The following MTDH variants were observed in gnomAD, a reference collection of about 807,000 sequenced individuals.
The protein encoded by MTDH is protein LYRIC.
MTDH carries 34 observed loss-of-function variants against 72.7 expected under a neutral mutation model. The observed-to-expected ratio is 0.47, with a 90% CI of 0.36 to 0.62. The LOEUF (loss-of-function observed/expected upper bound fraction) is 0.62. Ranked by LOEUF, MTDH falls within the 20% of genes least tolerant of loss-of-function variation. The pLI is 0.00. For missense variants in MTDH, 677 were observed against 699.4 expected (o/e 0.97, Z 0.36); for synonymous variants, 266 against 268.9 (o/e 0.99, Z 0.10).
chr8:97,699,247 C>T (rs1022842811), intron 6 of MTDH, among the ~76,000 whole-genome samples: 1 of 151,846 alleles, frequency 6.6e-6, no homozygotes, highest in African/African-American at 2.4e-5. Flanking sequence ...GAGACTGTGC[C>T]ACTACACTCC....
At chr8:97,669,285 G>T (rs1257852187) in intron 2 of MTDH, among the ~76,000 whole-genome samples, 2 of 151,864 alleles carry the variant, frequency 1.3e-5, no homozygotes. Flanking sequence ...TAGTAGCTGG[G>T]ATTACAGGCA....
At chr8:97,668,635 A>G (rs1191300586) in intron 2 of MTDH, among the ~76,000 whole-genome samples, 1 of 151,948 alleles carries the variant, frequency 6.6e-6, no homozygotes, top group African/African-American at 2.4e-5. Context: ...GCTCACTGCA[A>G]CCTCTGCCTC....
chr8:97,712,902 A>G (rs1205488717), intron 8 of MTDH, among the ~76,000 whole-genome samples: 3 of 151,856 alleles, frequency 2.0e-5, no homozygotes, highest in Admixed American at 1.3e-4. Flanking sequence ...TCCTTGTATT[A>G]TATTGTACAG....
intron 9 of MTDH, among the ~76,000 whole-genome samples, chr8:97,717,960 G>C (rs1814942469): frequency 6.6e-6 from 1 of 152,146 alleles, no homozygotes; most frequent in East Asian, 1.9e-4. Context: ...ATGTTGGCCA[G>C]ACTGGTCTTG....
Position 97,723,003 on chromosome 8 carries a change from A to C in MTDH, c.1646A>C (p.Asn549Thr). ...ILQETDKSKS[N>T]TKQNSVPPSQ... ...CAAGAGACAGATAAATCCAAGTCAA[A>C]TACCAAGCAAAATAGTGTGCCTCCT... is the stretch of plus-strand genomic sequence containing the variant. The change falls in exon 11 of 12, where the codon AAT (asparagine) becomes ACT (threonine). Residue 549 changes from asparagine to threonine, a missense_variant. Physicochemically the swap from Asn to Thr is moderately conservative, Grantham distance 65 (BLOSUM62 0). Around this residue, in one of 3 missense-constraint regions of MTDH, gnomAD observed 201 missense variants for 204.5 expected, o/e 0.98. Transcript: ENST00000336273. 6.2e-7 allele frequency: 1 copy of C among 1,614,104 alleles called. No homozygotes were observed.
intron 7 of MTDH, 54 bp from the exon 8 acceptor site, chr8:97,706,572 C>A: frequency 6.2e-6 from 9 of 1,456,528 alleles, no homozygotes; most frequent in South Asian, 1.5e-5. Flanking sequence ...TAGTTTTTGC[C>A]TTTTAATTTA....
intron 10 of MTDH, among the ~76,000 whole-genome samples, chr8:97,720,024 C>T (rs919193801): frequency 4.6e-5 from 7 of 152,244 alleles, no homozygotes; most frequent in South Asian, 2.1e-4. Context: ...TGGTGGCTCA[C>T]GCCTGTAATC....
At chr8:97,656,657 C>A (rs1454352614) in intron 1 of MTDH, among the ~76,000 whole-genome samples, 1 of 151,716 alleles carries the variant, frequency 6.6e-6, no homozygotes, top group African/African-American at 2.4e-5. Context: ...AAACTCCATT[C>A]ATATGTCCTT....
At chr8:97,690,737 T>C (rs979938097) in intron 5 of MTDH, among the ~76,000 whole-genome samples, 1 of 152,252 alleles carries the variant, frequency 6.6e-6, no homozygotes, top group Non-Finnish European at 1.5e-5. Context: ...TCTGTTGTAC[T>C]TTCTTTGAGC....
chr8:97,727,141 G>T lies in MTDH; in HGVS notation c.*2471G>T, dbSNP rs1265276106. On this transcript the variant is annotated 3_prime_UTR_variant, in exon 12 of 12. Coordinates refer to ENST00000336273, the MANE Select transcript of MTDH (RefSeq NM_178812.4). Reference sequence around the variant, plus strand: ...TAATTACATTCTCTTTCACATGCATGAGGTGCAAACTCTGTCACAAAGTAT... The same window carrying T: ...TAATTACATTCTCTTTCACATGCATTAGGTGCAAACTCTGTCACAAAGTAT... 5 of 151,666 alleles carry T rather than the reference G, an allele frequency of 3.3e-5. No homozygotes were observed. The highest frequency in any genetic ancestry group is 4.4e-5 in the Non-Finnish European group (3 of 67,974). The allele number at this position is 151,666 out of a possible 1,614,324, so 9.4% of individuals were successfully genotyped here. A position where few individuals can be genotyped will look rare whatever the true frequency, so the allele number is the denominator to read the frequency against.
At chr8:97,655,313 T>C (rs1811925827) in intron 1 of MTDH, among the ~76,000 whole-genome samples, 1 of 152,204 alleles carries the variant, frequency 6.6e-6, no homozygotes, top group South Asian at 2.1e-4. Context: ...GAGCCTTATC[T>C]TTGTTTCAAG....
At chr8:97,668,270 A>G (rs1196045941) in intron 2 of MTDH, among the ~76,000 whole-genome samples, 2 of 152,094 alleles carry the variant, frequency 1.3e-5, no homozygotes, top group Non-Finnish European at 2.9e-5. Context: ...CTGGGCGACA[A>G]AGCTAGACTG....
intron 2 of MTDH, among the ~76,000 whole-genome samples, chr8:97,673,718 T>C (rs1812728931): frequency 6.6e-6 from 1 of 151,668 alleles, no homozygotes; most frequent in African/African-American, 2.4e-5. Context: ...CTCACACCTT[T>C]AATGCCAGCA....
intron 2 of MTDH, among the ~76,000 whole-genome samples, chr8:97,662,765 G>A (rs562829509): frequency 3.3e-5 from 5 of 150,478 alleles, no homozygotes; most frequent in Admixed American, 6.6e-5. Context: ...TAGCCAGGGC[G>A]AAAGAGCGAG....
intron 1 of MTDH, among the ~76,000 whole-genome samples, chr8:97,654,629 A>C (rs905217889): frequency 3.3e-5 from 5 of 151,808 alleles, no homozygotes; most frequent in Non-Finnish European, 7.4e-5. Context: ...ATAGGTATAC[A>C]TGTGCCATGG....
At chr8:97,656,523 G>T (rs190820572) in intron 1 of MTDH, among the ~76,000 whole-genome samples, 4 of 150,976 alleles carry the variant, frequency 2.6e-5, no homozygotes, top group Admixed American at 6.6e-5. Context: ...GGATGGTCTC[G>T]ATCTCTTGAC....
intron 3 of MTDH, 130 bp from the exon 4 acceptor site, chr8:97,687,299 C>A: frequency 1.5e-6 from 1 of 673,372 alleles, no homozygotes; most frequent in Non-Finnish European, 2.3e-6. Flanking sequence ...ATAATCAACA[C>A]TCTTGGTTTT....
At chr8:97,705,274 G>T (rs540893242) in intron 7 of MTDH, among the ~76,000 whole-genome samples, 11 of 150,790 alleles carry the variant, frequency 7.3e-5, no homozygotes, top group Non-Finnish European at 1.2e-4. Flanking sequence ...TCTAGCCTGG[G>T]TGACAGAGTG....
At chr8:97,677,501 A>AAAAG (rs540159284) in intron 2 of MTDH, among the ~76,000 whole-genome samples, 47 of 151,458 alleles carry the variant, frequency 3.1e-4, no homozygotes, top group Middle Eastern at 6.8e-3. Flanking sequence ...AAAAAAAAAA[A>AAAAG]AAAGAAAGAA....
Sources: gnomAD v4.1 joint callset for allele counts (sites outside exome capture counted in the v4.1 genomes callset) on GRCh38, gnomAD v4.1.1 for gene constraint, gnomAD v4.1.1 regional missense constraint, MANE v1.5 for transcripts, NCBI Gene and HGNC (gene_info 2026-07-23, HGNC 2026-07-21) for gene names.